The following TEAD2 variants were observed in gnomAD, a reference collection of about 807,000 sequenced individuals.
TEAD2 encodes TEA domain transcription factor 2.
Under a neutral mutation model 61.4 loss-of-function variants are expected in TEAD2, and 51 were observed. That is an observed-to-expected ratio of 0.83 (90% CI 0.66 to 1.05). The LOEUF (loss-of-function observed/expected upper bound fraction) is 1.05. TEAD2 is among the 50% of genes least tolerant of loss of function. TEAD2 has a pLI of 0.00. For synonymous variants in TEAD2, 244 were observed against 243.2 expected, an observed-to-expected ratio of 1.00 and a Z score of -0.03; for missense variants, 509 against 600.0, an observed-to-expected ratio of 0.85 and a Z score of 1.58.
intron 3 of TEAD2, among the ~76,000 whole-genome samples, chr19:49,358,208 T>G (rs1972532693): frequency 6.6e-6 from 1 of 152,150 alleles, no homozygotes; most frequent in Non-Finnish European, 1.5e-5. Context: ...CACTCCAGCC[T>G]GGGCAACAGA....
rs776407132 is a variant in TEAD2 at position 49,357,641 on chromosome 19, C to T, written c.298-327G>A. ...GAGCACACGAACAGACATGCTGATA[C>T]AGTTCGGACATTCGTCCCTTCCAAA... On this transcript the variant is annotated intron_variant, in intron 3 of 12. Coordinates refer to ENST00000593945, the MANE Select transcript of TEAD2 (RefSeq NM_001256660.2). 9.5e-6 allele frequency: 4 copies of T among 420,358 alleles called. No homozygotes were observed. In the East Asian group the frequency reaches 1.2e-4, roughly 13 times the overall value. 26.0% of individuals were successfully genotyped at this position (420,358 alleles called of 1,614,324 possible). A position where few individuals can be genotyped will look rare whatever the true frequency, so the allele number is the denominator to read the frequency against.
At chr19:49,347,949 G>T (rs184428017) in intron 9 of TEAD2, among the ~76,000 whole-genome samples, 1 of 152,164 alleles carries the variant, frequency 6.6e-6, no homozygotes, top group African/African-American at 2.4e-5. Flanking sequence ...TTCCCAGGCC[G>T]CTTTGCAGTT....
rs993036248 is a variant in TEAD2 at position 49,340,776 on chromosome 19, A to G, written c.*548T>C. The G allele has an allele frequency of 5.3e-6, 1 of 187,144 alleles. No individual in the cohort carries two copies. Among genetic ancestry groups the G allele is most frequent in the Admixed American group, 5.7e-5 (1 of 17,640 alleles). The allele number at this position is 187,144 out of a possible 1,614,324, so 11.6% of individuals were successfully genotyped here. On this transcript the variant is annotated 3_prime_UTR_variant, in exon 13 of 13. Transcript: ENST00000593945. ...AGCACCCACTTATAAATATCTCGTT[A>G]TATTAAAAAAAAAAAAAATGTCCAG...
rs1568563891 is a variant in TEAD2 at position 49,347,281 on chromosome 19, T to C, written c.830A>G (p.Gln277Arg). The C allele has an allele frequency of 6.2e-7, 1 of 1,614,082 alleles. No individual in the cohort carries two copies. The highest frequency in any genetic ancestry group is 8.5e-7 in the Non-Finnish European group (1 of 1,180,016). ...APPLESVDVR[Q>R]IYDKFPEKKG... ...TTTCTCAGGGAATTTGTCGTAGATCTGCCGGACGTCCACACTCTCGAGCGG... is the reference window on the plus strand; with the variant it reads ...TTTCTCAGGGAATTTGTCGTAGATCCGCCGGACGTCCACACTCTCGAGCGG... The change falls in exon 10 of 13, where the codon CAG becomes CGG. Residue 277 changes from glutamine (Q) to arginine (R), a missense_variant. Gln to Arg is a conservative substitution (Grantham distance 43). Transcript: ENST00000593945.
intron 7 of TEAD2, among the ~76,000 whole-genome samples, chr19:49,354,382 T>G (rs1438198844): frequency 1.3e-5 from 2 of 151,944 alleles, no homozygotes; most frequent in African/African-American, 4.8e-5. Flanking sequence ...CACATGCCTG[T>G]AGTCTCAGCT....
chr19:49,343,033 C>T (rs1971401008), intron 11 of TEAD2, among the ~76,000 whole-genome samples, 198 bp downstream of exon 11: 2 of 152,276 alleles, frequency 1.3e-5, no homozygotes, highest in South Asian at 4.1e-4. Context: ...CTATACTACA[C>T]ATTACCTGTC....
Position 49,346,104 on chromosome 19 carries a change from G to A in TEAD2, c.921+1086C>T, listed in dbSNP as rs149014014. The stretch of plus-strand genomic sequence containing the variant: ...CGCTTGAACCCAGGAGGCAGAGGTT[G>A]CAGTGAGCCGAGATCGCACCATTGC... On this transcript the variant is annotated intron_variant, in intron 10 of 12. Coordinates refer to ENST00000593945, the MANE Select transcript of TEAD2 (RefSeq NM_001256660.2). Among the ~76,000 whole-genome samples, 200 of 147,716 alleles carry A rather than the reference G, an allele frequency of 1.4e-3. 1 individual carries two copies. Among genetic ancestry groups the A allele is most frequent in the African/African-American group, 4.9e-3 (192 of 39,414 alleles).
intron 1 of TEAD2, chr19:49,361,586 C>T (rs1012557065): frequency 6.6e-6 from 1 of 152,176 alleles, no homozygotes; most frequent in Non-Finnish European, 1.5e-5. Context: ...GGCGACTCCC[C>T]TCCGGCACCG....
chr19:49,353,254 A>G (rs866865136), intron 7 of TEAD2, among the ~76,000 whole-genome samples: 7 of 151,954 alleles, frequency 4.6e-5, no homozygotes, highest in African/African-American at 1.7e-4. Context: ...GCACATCACC[A>G]TGCCTGGCTA....
At chr19:49,346,178 A>C (rs1387670038) in intron 10 of TEAD2, among the ~76,000 whole-genome samples, 1 of 148,056 alleles carries the variant, frequency 6.8e-6, no homozygotes, top group Non-Finnish European at 1.5e-5. Context: ...AAAAAAAAAA[A>C]AAAAAAACAA....
Position 49,359,163 on chromosome 19 carries a change from G to A in TEAD2, c.297+272C>T, listed in dbSNP as rs979185132. On this transcript the variant is annotated intron_variant, in intron 3 of 12. Coordinates refer to ENST00000593945, the MANE Select transcript of TEAD2 (RefSeq NM_001256660.2). This position sits in a 1 kb window ranked among gnomAD's most constrained non-coding sequence, Gnocchi z 4.1. Reference sequence around the variant, plus strand: ...TGAGACAGGAGAATTGCTTGAACCCGGGAGGCAGAGGTTGCAGTGAGCCAA... The same window carrying A: ...TGAGACAGGAGAATTGCTTGAACCCAGGAGGCAGAGGTTGCAGTGAGCCAA... 5 of 381,024 alleles carry A rather than the reference G, an allele frequency of 1.3e-5. No homozygotes were observed. Among genetic ancestry groups the A allele is most frequent in the African/African-American group, 8.2e-5 (4 of 48,530 alleles). The allele number at this position is 381,024 out of a possible 1,614,324, so 23.6% of individuals were successfully genotyped here. A position where few individuals can be genotyped will look rare whatever the true frequency, so the allele number is the denominator to read the frequency against.
intron 10 of TEAD2, among the ~76,000 whole-genome samples, chr19:49,343,802 GCTTGATT>G (rs1182591327): frequency 2.1e-5 from 3 of 143,906 alleles, no homozygotes; most frequent in African/African-American, 7.6e-5. Context: ...GCAGTTCCCG[GCTTGATT>G]CTTCAGTGTT....
At position 49,352,336 on chromosome 19, in the gene TEAD2, A is replaced by T. The variant is rs1374481382; in HGVS notation, c.540-971T>A. Reference sequence around the variant, plus strand: ...CTTTAATTTTATTTAATTTTAATTTAAATAGCTGCATGAGGCTAGTGGCTA... The same window carrying T: ...CTTTAATTTTATTTAATTTTAATTTTAATAGCTGCATGAGGCTAGTGGCTA... On this transcript the variant is annotated intron_variant, in intron 7 of 12. Transcript: ENST00000593945. Among the ~76,000 whole-genome samples, 4 of 152,278 alleles carry T rather than the reference A, an allele frequency of 2.6e-5. No individual in the cohort carries two copies. The East Asian group carries it at 5.8e-4, about 22-fold the overall frequency.
intron 9 of TEAD2, among the ~76,000 whole-genome samples, chr19:49,348,442 C>A (rs760511906): frequency 4.6e-5 from 7 of 152,044 alleles, no homozygotes; most frequent in Non-Finnish European, 1.0e-4. Flanking sequence ...CACCCTATGA[C>A]CTTCCAGTTC....
chr19:49,349,053 T>C, intron 8 of TEAD2: 2 of 498,476 alleles, frequency 4.0e-6, no homozygotes, highest in East Asian at 7.3e-5. Flanking sequence ...TGGGAAGGAG[T>C]TTCTTCCTGA....
At chr19:49,361,607 C>T (rs1002858314) in intron 1 of TEAD2, 3 of 152,240 alleles carry the variant, frequency 2.0e-5, no homozygotes, top group African/African-American at 7.2e-5. Flanking sequence ...GGCCCCGCCC[C>T]TCCCCTCCCC....
chr19:49,343,793 C>T (rs1971455592), intron 10 of TEAD2, among the ~76,000 whole-genome samples: 1 of 146,958 alleles, frequency 6.8e-6, no homozygotes, highest in Non-Finnish European at 1.5e-5. Context: ...ATTACCCCTG[C>T]AGTTCCCGGC....
At chr19:49,350,885 T>C (rs1019896963) in intron 8 of TEAD2, among the ~76,000 whole-genome samples, 20 of 152,008 alleles carry the variant, frequency 1.3e-4, no homozygotes, top group African/African-American at 4.3e-4. Flanking sequence ...TCAGTAAGAA[T>C]GTATCCCCTA....
chr19:49,359,223 G>A lies in TEAD2; in HGVS notation c.297+212C>T. 1 of 550,788 alleles carries A rather than the reference G, an allele frequency of 1.8e-6. No individual in the cohort carries two copies. The highest frequency in any genetic ancestry group is 3.3e-6 in the Non-Finnish European group (1 of 304,960). The allele number at this position is 550,788 out of a possible 1,614,324, so 34.1% of individuals were successfully genotyped here. Reference sequence around the variant, plus strand: ...ACTGCACTCCGGCCTGGGCAACAGAGCTAGACTCCATTTCAAAAAATAAAC... The same window carrying A: ...ACTGCACTCCGGCCTGGGCAACAGAACTAGACTCCATTTCAAAAAATAAAC... On this transcript the variant is annotated intron_variant, in intron 3 of 12. Transcript: ENST00000593945. This position sits in a 1 kb window ranked among gnomAD's most constrained non-coding sequence, Gnocchi z 4.1.
Sources: gnomAD v4.1 joint callset for allele counts (sites outside exome capture counted in the v4.1 genomes callset) on GRCh38, gnomAD v4.1.1 for gene constraint, Gnocchi (gnomAD v3.1) non-coding constraint, MANE v1.5 for transcripts, NCBI Gene and HGNC (gene_info 2026-07-23, HGNC 2026-07-21) for gene names.